The following NPHP4 variants were observed in gnomAD, a reference collection of about 807,000 sequenced individuals.
NPHP4 encodes the protein nephrocystin-4.
A neutral mutation model predicts 155.8 loss-of-function variants in NPHP4; 151 were observed. That is an observed-to-expected ratio of 0.97 (90% CI 0.85 to 1.11). NPHP4 has a LOEUF of 1.11. Among genes scored for constraint, NPHP4 ranks in the 50% least tolerant of loss-of-function variants. The pLI is 0.00. For missense variants in NPHP4, 1,956 were observed against 1,925.7 expected (o/e 1.02, Z -0.29); for synonymous variants, 845 against 816.8 (o/e 1.03, Z -0.59).
Position 5,863,351 on chromosome 1 carries a change from C to T in NPHP4, c.4195G>A (p.Val1399Met), listed in dbSNP as rs1640830274. 3.7e-6 allele frequency: 6 copies of T among 1,614,032 alleles called. No homozygotes were observed. Among genetic ancestry groups the T allele is most frequent in the Non-Finnish European group, 4.2e-6 (5 of 1,179,872 alleles). The change falls in exon 30 of 30, where the codon GTG becomes ATG. Residue 1399 changes from valine to methionine, a missense_variant. Coordinates refer to ENST00000378156, the MANE Select transcript of NPHP4 (RefSeq NM_015102.5). ...IGLQFAPSQR[V>M]GEEEILIYIN... ...TAGATCAGGATCTCCTCCTCACCCA[C>T]TCTCTGACTAGGCGCAAACTGCAAG...
At chr1:5,969,394 G>A (rs1029812500) in intron 3 of NPHP4, 135 bp from the exon 4 acceptor site, 12 of 489,204 alleles carry the variant, frequency 2.5e-5, no homozygotes, top group African/African-American at 2.3e-4. Context: ...GCCCTCATGT[G>A]GTGTACCACA....
chr1:5,873,176 G>C (rs1642187371), intron 23 of NPHP4, 76 bp downstream of exon 23: 2 of 1,300,562 alleles, frequency 1.5e-6, no homozygotes, highest in Admixed American at 1.8e-5. Context: ...CAGGAGGGGA[G>C]AGAAGGACAC....
intron 12 of NPHP4, among the ~76,000 whole-genome samples, chr1:5,908,648 G>A (rs1020464002): frequency 5.9e-5 from 9 of 152,172 alleles, no homozygotes; most frequent in African/African-American, 1.4e-4. Flanking sequence ...AAGTTCCAGC[G>A]CCACGGGGAT....
At chr1:5,903,972 T>C (rs865796964) in intron 16 of NPHP4, among the ~76,000 whole-genome samples, 2 of 152,166 alleles carry the variant, frequency 1.3e-5, no homozygotes, top group Non-Finnish European at 2.9e-5. Context: ...AAAAAGCATC[T>C]AATCATGCAT....
intron 17 of NPHP4, among the ~76,000 whole-genome samples, chr1:5,888,852 G>A (rs563627028): frequency 5.9e-5 from 9 of 152,258 alleles, no homozygotes; most frequent in Admixed American, 1.3e-4. Context: ...GCATGCCTGC[G>A]GCCCTCACGG....
intron 19 of NPHP4, among the ~76,000 whole-genome samples, chr1:5,878,064 G>A (rs766330509): frequency 1.6e-4 from 25 of 152,184 alleles, no homozygotes; most frequent in Admixed American, 6.5e-4. Flanking sequence ...CGCTCAGCCC[G>A]GCACAGGCAG....
intron 7 of NPHP4, among the ~76,000 whole-genome samples, chr1:5,951,904 C>T (rs972816604): frequency 5.9e-5 from 9 of 152,208 alleles, no homozygotes; most frequent in South Asian, 2.1e-4. Context: ...GGGACGGAGC[C>T]GGAGAGGAAA....
intron 17 of NPHP4, chr1:5,888,753 G>A (rs1643953730): frequency 4.1e-6 from 2 of 488,148 alleles, no homozygotes; most frequent in Non-Finnish European, 6.9e-6. Context: ...CTGACACACT[G>A]TGAAGCCAAG....
chr1:5,938,743 A>T (rs1646675028), intron 9 of NPHP4, among the ~76,000 whole-genome samples: 1 of 152,240 alleles, frequency 6.6e-6, no homozygotes, highest in Admixed American at 6.5e-5. Flanking sequence ...AGCAAATCTG[A>T]CTGATTTTCA....
In NPHP4 at chr1:5,969,092, G is replaced by A; in HGVS notation, c.447C>T (p.Asp149=). The part of the protein sequence containing the change: ...QPDSPISASQ[D]KRLRLYHGTP... ...TGTAGAAACAAGGCAGGTACCTTTT[G>A]TCCTGGGAAGCAGAGATAGGAGAGT... Residue 149 remains aspartate, a synonymous_variant, in exon 4 of 30, where the codon GAC becomes GAT. Coordinates refer to ENST00000378156, the MANE Select transcript of NPHP4 (RefSeq NM_015102.5). The A allele has an allele frequency of 1.3e-6, 2 of 1,545,308 alleles. No individual in the cohort carries two copies. The highest frequency in any genetic ancestry group is 1.8e-6 in the Non-Finnish European group (2 of 1,141,770).
At chr1:5,975,981 G>A (rs1270165981) in intron 3 of NPHP4, among the ~76,000 whole-genome samples, 1 of 152,224 alleles carries the variant, frequency 6.6e-6, no homozygotes, top group African/African-American at 2.4e-5. Flanking sequence ...TCTAAAGGGA[G>A]AGCTGAAGTC....
At position 5,992,234 on chromosome 1, in the gene NPHP4, G is replaced by T. The variant is rs545618338; in HGVS notation, c.-39+10C>A. On this transcript the variant is annotated intron_variant, in intron 1 of 29. Transcript: ENST00000378156. ...GCCCACATGGTTCCGCCCGCCGCGG[G>T]CCGCGTTACCTAGGAGACCGACCCG... 9 of 152,254 alleles carry T rather than the reference G, an allele frequency of 5.9e-5. No individual in the cohort carries two copies. Among genetic ancestry groups the T allele is most frequent in the African/African-American group, 2.2e-4 (9 of 41,540 alleles). The allele number at this position is 152,254 out of a possible 1,614,324, so 9.4% of individuals were successfully genotyped here. A position where few individuals can be genotyped will look rare whatever the true frequency, so the allele number is the denominator to read the frequency against.
At chr1:5,950,026 G>C (rs142689429) in intron 7 of NPHP4, among the ~76,000 whole-genome samples, 2 of 152,328 alleles carry the variant, frequency 1.3e-5, no homozygotes, top group East Asian at 3.9e-4. Flanking sequence ...GGCCTCTCCT[G>C]TGGCAGCCAG....
Position 5,891,018 on chromosome 1 carries a change from G to A in NPHP4, c.2154C>T (p.Gly718=). The change falls in exon 17 of 30, where the codon GGC becomes GGT. Residue 718 remains glycine (G), a synonymous_variant. Transcript: ENST00000378156. ...GGCCCACCATGTACCTCAGCTGGAA[G>A]CCAGGAGACCCTGTCAAAGAGGCAC... The part of the protein sequence containing the change: ...RDGTFDAGSP[G]FQLRYMVGPG... 1.3e-6 allele frequency: 2 copies of A among 1,550,116 alleles called. No homozygotes were observed. The highest frequency in any genetic ancestry group is 1.8e-6 in the Non-Finnish European group (2 of 1,135,744).
At chr1:5,940,958 T>G (rs964885163) in intron 9 of NPHP4, among the ~76,000 whole-genome samples, 4 of 152,086 alleles carry the variant, frequency 2.6e-5, no homozygotes, top group African/African-American at 9.7e-5. Context: ...ATACAAAAGT[T>G]AATCCAGAAA....
At chr1:5,962,845 G>A (rs899538952) in intron 5 of NPHP4, among the ~76,000 whole-genome samples, 1 of 152,202 alleles carries the variant, frequency 6.6e-6, no homozygotes, top group Non-Finnish European at 1.5e-5. Flanking sequence ...ACGGGAGTGC[G>A]GGGAGAGGCA....
At chr1:5,964,873 A>G (rs1271918288) in intron 5 of NPHP4, among the ~76,000 whole-genome samples, 1 of 144,692 alleles carries the variant, frequency 6.9e-6, no homozygotes, top group African/African-American at 2.5e-5. Flanking sequence ...TATATATAAC[A>G]CACATATAAA....
At position 5,910,369 on chromosome 1, in the gene NPHP4, C is replaced by T. The variant is rs192946413; in HGVS notation, c.1442-1156G>A. Among the ~76,000 whole-genome samples the T allele has an allele frequency of 6.6e-6, 1 of 152,286 alleles. No individual in the cohort carries two copies. The highest frequency in any genetic ancestry group is 1.9e-4 in the East Asian group (1 of 5,164). On this transcript the variant is annotated intron_variant, in intron 11 of 29. Transcript: ENST00000378156. This position sits in a 1 kb window ranked among gnomAD's most constrained non-coding sequence, Gnocchi z 5.4. ...TCCCCATCGGACTTCCAGGATAACC[C>T]AGACCTCCGGAGAAATCAGGCTTCC...
chr1:5,991,027 C>T (rs999972519), intron 1 of NPHP4, among the ~76,000 whole-genome samples: 1 of 152,078 alleles, frequency 6.6e-6, no homozygotes, highest in Admixed American at 6.5e-5. Context: ...GCAACAGGCC[C>T]CCGGGAGGGT....
Sources: allele counts gnomAD v4.1 joint callset (sites outside exome capture counted in the v4.1 genomes callset), GRCh38; gene constraint gnomAD v4.1.1; non-coding constraint Gnocchi (gnomAD v3.1); transcripts MANE v1.5; gene names NCBI Gene and HGNC (gene_info 2026-07-23, HGNC 2026-07-21).